CC2D1B: variants seen among roughly 807,000 people sequenced by gnomAD.
CC2D1B encodes the protein coiled-coil and C2 domain containing 1B.
In CC2D1B, 92 loss-of-function variants were observed where a neutral mutation model predicts 110.8. The ratio of observed to expected loss-of-function variants is 0.83; its 90% CI spans 0.70 to 0.99. The LOEUF (loss-of-function observed/expected upper bound fraction) is 0.99. CC2D1B is among the 50% of genes least tolerant of loss of function. The pLI is 0.00. For synonymous variants in CC2D1B, 406 were observed against 429.2 expected (o/e 0.95, Z 0.67); for missense variants, 1,136 against 1,089.0 (o/e 1.04, Z -0.61).
chr1:52,352,875 G>A lies in CC2D1B; in HGVS notation c.*350C>T, dbSNP rs184888096. The A allele has an allele frequency of 1.1e-4, 20 of 178,974 alleles. No individual in the cohort carries two copies. The highest frequency in any genetic ancestry group is 1.7e-4 in the Non-Finnish European group (14 of 82,742). 11.1% of individuals were successfully genotyped at this position (178,974 alleles called of 1,614,324 possible). On this transcript the variant is annotated 3_prime_UTR_variant, in exon 25 of 25. Coordinates refer to ENST00000284376, the MANE Select transcript of CC2D1B (RefSeq NM_001330585.2). ...TCTTTTAAAGGCACATCTAGAAGTG[G>A]TGCAACTGGAGGCAGGGGTAAGCTG...
Position 52,361,569 on chromosome 1 carries a change from G to C in CC2D1B, c.262C>G (p.Arg88Gly). Residue 88 changes from arginine (R) to glycine (G), a missense_variant, in exon 4 of 25, where the codon CGG becomes GGG. Transcript: ENST00000284376. ...TCCTCCTCCTCCTCCTCCACATCCCGCATACAGTCTGCCGCCAACTTCTCG... is the reference window on the plus strand; with the variant it reads ...TCCTCCTCCTCCTCCTCCACATCCCCCATACAGTCTGCCGCCAACTTCTCG... ...HIEKLAADCM[R>G]DVEEEEEEEG... 6.2e-7 allele frequency: 1 copy of C among 1,613,734 alleles called. No individual in the cohort carries two copies. The highest frequency in any genetic ancestry group is 8.5e-7 in the Non-Finnish European group (1 of 1,179,986).
In CC2D1B at chr1:52,361,635, A is replaced by C; in HGVS notation, c.215-19T>G. 2.5e-6 allele frequency: 4 copies of C among 1,613,464 alleles called. No individual in the cohort carries two copies. Among genetic ancestry groups the C allele is most frequent in the Non-Finnish European group, 3.4e-6 (4 of 1,179,950 alleles). ...AGGGGGGCTGGGGGAAAAAGGTCAC[A>C]ACAAGTCAGCACAACTCAGATAAGT... On this transcript the variant is annotated intron_variant, in intron 3 of 24. Coordinates refer to ENST00000284376, the MANE Select transcript of CC2D1B (RefSeq NM_001330585.2).
chr1:52,355,863 G>A lies in CC2D1B; in HGVS notation c.2055-19C>T. On this transcript the variant is annotated intron_variant, in intron 18 of 24. Coordinates refer to ENST00000284376, the MANE Select transcript of CC2D1B (RefSeq NM_001330585.2). ...GAAGATCCTAGAGCCAAGCGGGAAG[G>A]AGAAAATGCTCAAAAGTGAAGGACA... is the stretch of plus-strand genomic sequence containing the variant. 1 of 1,613,374 alleles carries A rather than the reference G, an allele frequency of 6.2e-7. No individual in the cohort carries two copies. The highest frequency in any genetic ancestry group is 8.5e-7 in the Non-Finnish European group (1 of 1,179,320).
chr1:52,355,888 A>T, intron 18 of CC2D1B, 44 bp from the exon 19 acceptor site: 1 of 1,594,220 alleles, frequency 6.3e-7, no homozygotes, highest in Non-Finnish European at 8.6e-7. Context: ...AGTGAAGGAC[A>T]GTAGTGGAAC....
intron 23 of CC2D1B, chr1:52,353,888 C>T: frequency 4.8e-6 from 2 of 414,854 alleles, no homozygotes; most frequent in South Asian, 3.6e-5. Flanking sequence ...GAGCTCTGTT[C>T]ATTTTCTCCT....
At position 52,353,519 on chromosome 1, in the gene CC2D1B, T is replaced by C. The variant is rs754829407; in HGVS notation, c.2559A>G (p.Ter853TrpextTer101). 1 of 1,611,020 alleles carries C rather than the reference T, an allele frequency of 6.2e-7. No individual in the cohort carries two copies. Among genetic ancestry groups the C allele is most frequent in the East Asian group, 2.2e-5 (1 of 44,858 alleles). Residue 853 changes from the stop codon to tryptophan, a stop_lost and splice_region_variant, in exon 24 of 25, where the codon TGA becomes TGG. Transcript: ENST00000284376. ...NWLVLEPRGL[*>W] The stretch of plus-strand genomic sequence containing the variant: ...CTGAAGGCCCAGAGAGCTGCCCACC[T>C]CACAAGCCCCTGGGCTCCAGAACCA...
At chr1:52,355,358 A>G (rs762458453) in intron 21 of CC2D1B, 40 bp downstream of exon 21, 2 of 1,607,120 alleles carry the variant, frequency 1.2e-6, no homozygotes, top group South Asian at 1.1e-5. Context: ...CTGCCCACAC[A>G]CTCTGAGGGA....
intron 1 of CC2D1B, among the ~76,000 whole-genome samples, chr1:52,365,351 T>C (rs1386168916): frequency 1.3e-5 from 2 of 152,276 alleles, no homozygotes; most frequent in African/African-American, 4.8e-5. Context: ...TGACCCCTTC[T>C]TCAGCCCTGG....
At chr1:52,353,435 G>C in intron 24 of CC2D1B, 83 bp downstream of exon 24, 1 of 1,530,032 alleles carries the variant, frequency 6.5e-7, no homozygotes, top group Non-Finnish European at 8.8e-7. Context: ...GAAACTCCTA[G>C]GTTTTCTCTC....
chr1:52,356,899 C>G (rs1313525295), intron 16 of CC2D1B, 102 bp downstream of exon 16: 1 of 1,343,698 alleles, frequency 7.4e-7, no homozygotes, highest in Admixed American at 2.8e-5. Flanking sequence ...AGTGGAAGAG[C>G]TGAGAATTTT....
chr1:52,361,234 C>T (rs1247033343), intron 4 of CC2D1B, 102 bp from the exon 5 acceptor site: 5 of 1,422,090 alleles, frequency 3.5e-6, no homozygotes, highest in Admixed American at 2.0e-5. Flanking sequence ...TATTCCCTAA[C>T]GTCAGTCACT....
At chr1:52,362,476 C>A in intron 3 of CC2D1B, 126 bp downstream of exon 3, 1 of 1,159,500 alleles carries the variant, frequency 8.6e-7, no homozygotes, top group Non-Finnish European at 1.2e-6. Flanking sequence ...GGTGGGAGTG[C>A]GGCAGATGGG....
chr1:52,357,171 T>C, intron 15 of CC2D1B, 45 bp from the exon 16 acceptor site: 1 of 1,605,544 alleles, frequency 6.2e-7, no homozygotes, highest in Non-Finnish European at 8.5e-7. Flanking sequence ...GTCAGATTAC[T>C]CCTCTACCAA....
intron 18 of CC2D1B, 22 bp downstream of exon 18, chr1:52,356,164 C>G (rs1297153009): frequency 3.2e-6 from 5 of 1,563,966 alleles, no homozygotes; most frequent in Non-Finnish European, 4.4e-6. Flanking sequence ...CCTGGAGCCC[C>G]TGTTTCCCTA....
chr1:52,358,116 G>A lies in CC2D1B; in HGVS notation c.1461+215C>T, dbSNP rs75371541. On this transcript the variant is annotated intron_variant, in intron 13 of 24. Transcript: ENST00000284376. ...AGCAGGAGAGAGACTGCAGGGTAAT[G>A]GGGATGGAGCCGGGGCTCTGGGTTC... 1,410 of 886,242 alleles carry A rather than the reference G, an allele frequency of 1.6e-3. 17 individuals carry two copies. In the African/African-American group the frequency reaches 0.022, roughly 14 times the overall value. 54.9% of individuals were successfully genotyped at this position (886,242 alleles called of 1,614,324 possible).
rs199531880 is a variant in CC2D1B, at chr1:52,358,721, C to T, written c.1295G>A (p.Arg432Gln). ...AGGCAATTCAGCAAAGTTGACTTTC[C>T]GTCCTGCTCGGTGTGCTCGAATAGC... Reference protein sequence around the residue: ...QDAIRAHRAGRKVNFAELPVP... With the variant: ...QDAIRAHRAGQKVNFAELPVP... The change falls in exon 12 of 25, where the codon CGG becomes CAG. Residue 432 changes from arginine to glutamine, a missense_variant. Coordinates refer to ENST00000284376, the MANE Select transcript of CC2D1B (RefSeq NM_001330585.2). The T allele has an allele frequency of 3.9e-5, 63 of 1,613,282 alleles. No individual in the cohort carries two copies. In the East Asian group the frequency reaches 8.5e-4, roughly 22 times the overall value.
chr1:52,357,408 A>G (rs551511878), intron 15 of CC2D1B, 118 bp downstream of exon 15: 80 of 1,143,312 alleles, frequency 7.0e-5, no homozygotes, highest in South Asian at 4.1e-4. Context: ...CCCAGCTGTC[A>G]TCATGCTCTG....
At chr1:52,355,704 G>A (rs1461726912) in intron 19 of CC2D1B, 38 bp from the exon 20 acceptor site, 1 of 1,613,488 alleles carries the variant, frequency 6.2e-7, no homozygotes, top group Non-Finnish European at 8.5e-7. Context: ...AGAGGGAGTG[G>A]CCAGGAGCCT....
chr1:52,361,596 T>C lies in CC2D1B; in HGVS notation c.235A>G (p.Ile79Val). Reference protein sequence around the residue: ...KGQAPLPMAHIEKLAADCMRD... With the variant: ...KGQAPLPMAHVEKLAADCMRD... The stretch of plus-strand genomic sequence containing the variant: ...ATACAGTCTGCCGCCAACTTCTCGA[T>C]GTGGGCCATGGGCAGGGGGGCTGGG... The change falls in exon 4 of 25, where the codon ATC becomes GTC. Residue 79 changes from isoleucine (I) to valine (V), a missense_variant. Coordinates refer to ENST00000284376, the MANE Select transcript of CC2D1B (RefSeq NM_001330585.2). 1 of 1,613,860 alleles carries C rather than the reference T, an allele frequency of 6.2e-7. No homozygotes were observed. The highest frequency in any genetic ancestry group is 8.5e-7 in the Non-Finnish European group (1 of 1,180,000).
Sources: allele counts gnomAD v4.1 joint callset (sites outside exome capture counted in the v4.1 genomes callset), GRCh38; gene constraint gnomAD v4.1.1; transcripts MANE v1.5; gene names NCBI Gene and HGNC (gene_info 2026-07-23, HGNC 2026-07-21).